The following SLF1 variants were observed in gnomAD, a reference collection of about 807,000 sequenced individuals.
The protein encoded by SLF1 is SMC5/6 complex localization factor 1.
Under a neutral mutation model 123.0 loss-of-function variants are expected in SLF1, and 105 were observed. That is an observed-to-expected ratio of 0.85 (90% confidence interval 0.73 to 1.00). The LOEUF (loss-of-function observed/expected upper bound fraction) is 1.00. SLF1 is among the 50% of genes least tolerant of loss of function. The pLI, the probability that SLF1 is intolerant of heterozygous loss-of-function variation, is 0.00. For synonymous variants in SLF1, 434 were observed against 406.6 expected (o/e 1.07, Z -0.81); for missense variants, 1,239 against 1,223.0 (o/e 1.01, Z -0.20).
chr5:94,681,752 G>GT (rs951887005), intron 15 of SLF1, among the ~76,000 whole-genome samples: 1 of 151,562 alleles, frequency 6.6e-6, no homozygotes, highest in African/African-American at 2.4e-5. Context: ...GCGGTGTCTG[G>GT]TTTTTTGTTC....
Position 94,672,119 on chromosome 5 carries a change from T to C in SLF1, c.1827+1111T>C, listed in dbSNP as rs533530511. ...TCGACTTTGTTGATTTGCTCATCTA[T>C]TTATTTTTAAGTTTCTGCTTCATGT... On this transcript the variant is annotated intron_variant, in intron 14 of 20. Transcript: ENST00000265140. 1.6e-3 allele frequency among the ~76,000 whole-genome samples: 245 copies of C among 152,242 alleles called. 2 individuals are homozygous for C. The highest frequency in any genetic ancestry group is 5.4e-3 in the African/African-American group (223 of 41,556).
intron 4 of SLF1, among the ~76,000 whole-genome samples, chr5:94,635,212 T>A (rs1028493054): frequency 3.3e-5 from 5 of 152,062 alleles, no homozygotes; most frequent in South Asian, 4.1e-4. Flanking sequence ...TTTTGTCTCA[T>A]AGGAGTGTAG....
chr5:94,647,668 G>A (rs1747213873), intron 5 of SLF1, among the ~76,000 whole-genome samples: 1 of 152,120 alleles, frequency 6.6e-6, no homozygotes. Context: ...TTGACACTAA[G>A]ATACTTATAA....
intron 1 of SLF1, among the ~76,000 whole-genome samples, chr5:94,628,137 A>G (rs1399656577): frequency 7.1e-6 from 1 of 139,892 alleles, no homozygotes; most frequent in Non-Finnish European, 1.5e-5. Flanking sequence ...GGCCAACAAT[A>G]CTTTCTTTAT....
intron 5 of SLF1, among the ~76,000 whole-genome samples, chr5:94,649,188 C>T (rs976996466): frequency 6.6e-6 from 1 of 152,124 alleles, no homozygotes; most frequent in Non-Finnish European, 1.5e-5. Context: ...CTTGGTTATT[C>T]ATAAAAATGA....
At chr5:94,632,063 C>G (rs531279255) in intron 4 of SLF1, among the ~76,000 whole-genome samples, 55 of 150,832 alleles carry the variant, frequency 3.6e-4, no homozygotes, top group African/African-American at 1.2e-3. Flanking sequence ...GGGAAGATAG[C>G]CTAGAGCCCA....
chr5:94,684,401 A>G (rs1752145915), intron 15 of SLF1, among the ~76,000 whole-genome samples: 1 of 152,172 alleles, frequency 6.6e-6, no homozygotes, highest in South Asian at 2.1e-4. Flanking sequence ...TTTCCAACTC[A>G]TAAAAATTGT....
chr5:94,649,910 T>C (rs1300079162), intron 6 of SLF1, among the ~76,000 whole-genome samples: 1 of 152,176 alleles, frequency 6.6e-6, no homozygotes, highest in African/African-American at 2.4e-5. Context: ...GTGTGTCTTA[T>C]AAAGCATTTT....
intron 18 of SLF1, among the ~76,000 whole-genome samples, chr5:94,690,470 T>C (rs1752946932): frequency 6.6e-6 from 1 of 152,182 alleles, no homozygotes. Flanking sequence ...CAGCGTTCTT[T>C]TTCTTTGTTT....
At chr5:94,685,955 T>C (rs1008501361) in intron 15 of SLF1, among the ~76,000 whole-genome samples, 4 of 152,094 alleles carry the variant, frequency 2.6e-5, no homozygotes, top group Non-Finnish European at 5.9e-5. Context: ...TTTCATGTTT[T>C]TCTTTATACA....
At chr5:94,626,936 CCT>C (rs1792302399) in intron 1 of SLF1, among the ~76,000 whole-genome samples, 1 of 152,294 alleles carries the variant, frequency 6.6e-6, no homozygotes, top group African/African-American at 2.4e-5. Flanking sequence ...CTGAACTTCT[CCT>C]CTTCAAAACT....
Position 94,649,603 on chromosome 5 carries a change from C to G in SLF1, c.738+6C>G. 6.9e-7 allele frequency: 1 copy of G among 1,447,798 alleles called. No homozygotes were observed. The highest frequency in any genetic ancestry group is 1.5e-5 in the South Asian group (1 of 68,694). The allele number at this position is 1,447,798 out of a possible 1,614,324, so 89.7% of individuals were successfully genotyped here. A position where few individuals can be genotyped will look rare whatever the true frequency, so the allele number is the denominator to read the frequency against. On this transcript the variant is annotated splice_donor_region_variant and intron_variant, in intron 6 of 20. Coordinates refer to ENST00000265140, the MANE Select transcript of SLF1 (RefSeq NM_032290.4). ...AGACCATGTATAGAACCCAGGTAAA[C>G]TTTATAGGCTGAAAAACATACATTT...
chr5:94,675,329 A>G (rs1750925432), intron 14 of SLF1, among the ~76,000 whole-genome samples: 1 of 152,258 alleles, frequency 6.6e-6, no homozygotes, highest in Non-Finnish European at 1.5e-5. Flanking sequence ...TCATATATGC[A>G]AATCTTGTCA....
At chr5:94,646,430 A>G (rs1747066452) in intron 5 of SLF1, among the ~76,000 whole-genome samples, 1 of 152,226 alleles carries the variant, frequency 6.6e-6, no homozygotes, top group Non-Finnish European at 1.5e-5. Context: ...ATGAATGACC[A>G]TATATCACAC....
chr5:94,633,465 T>C (rs1274705094), intron 4 of SLF1, among the ~76,000 whole-genome samples: 1 of 152,186 alleles, frequency 6.6e-6, no homozygotes, highest in East Asian at 1.9e-4. Context: ...CTAAACCTAA[T>C]GTGATATTTA....
chr5:94,676,119 G>T (rs1751030353), intron 14 of SLF1, among the ~76,000 whole-genome samples: 1 of 151,988 alleles, frequency 6.6e-6, no homozygotes, highest in Non-Finnish European at 1.5e-5. Flanking sequence ...TCTTTCCTGA[G>T]TACTGTCACT....
chr5:94,691,190 A>G (rs532349964), intron 18 of SLF1: 41 of 200,564 alleles, frequency 2.0e-4, no homozygotes, highest in Middle Eastern at 1.9e-3. Context: ...AGAGAGGGCA[A>G]TTGCACTCTA....
intron 15 of SLF1, among the ~76,000 whole-genome samples, chr5:94,682,582 A>G (rs891522986): frequency 1.3e-5 from 2 of 152,214 alleles, no homozygotes; most frequent in South Asian, 4.1e-4. Context: ...CACATCTATC[A>G]AATTCATTTC....
chr5:94,688,402 A>C, intron 16 of SLF1, 104 bp from the exon 17 acceptor site: 1 of 1,224,008 alleles, frequency 8.2e-7, no homozygotes, highest in Non-Finnish European at 1.1e-6. Flanking sequence ...ATAGTGATGC[A>C]ACCAAGAAAA....
Sources: gnomAD v4.1 joint callset for allele counts (sites outside exome capture counted in the v4.1 genomes callset) on GRCh38, gnomAD v4.1.1 for gene constraint, MANE v1.5 for transcripts, NCBI Gene and HGNC (gene_info 2026-07-23, HGNC 2026-07-21) for gene names.